SPATA17: variants seen among roughly 807,000 people sequenced by gnomAD.
SPATA17 encodes spermatogenesis-associated protein 17.
In SPATA17, 53 loss-of-function variants were observed where a neutral mutation model predicts 62.2. That is an observed-to-expected ratio of 0.85 (90% CI 0.68 to 1.07). SPATA17 has a LOEUF of 1.07. SPATA17 is among the 50% of genes least tolerant of loss of function. The probability of loss-of-function intolerance (pLI) is 0.00; values close to 1 mark genes in which losing one functional copy is unlikely to be tolerated. For missense variants in SPATA17, 466 were observed against 425.5 expected (o/e 1.10, Z -0.84); for synonymous variants, 146 against 146.8 (o/e 0.99, Z 0.04).
intron 9 of SPATA17, among the ~76,000 whole-genome samples, chr1:217,811,704 A>AC (rs899613832): frequency 6.6e-6 from 1 of 151,778 alleles, no homozygotes; most frequent in Non-Finnish European, 1.5e-5. Flanking sequence ...AGAAAAAAAA[A>AC]AAAAAACTAT....
chr1:217,664,307 T>G, intron 3 of SPATA17, among the ~76,000 whole-genome samples: 1 of 145,136 alleles, frequency 6.9e-6, no homozygotes, highest in Admixed American at 6.9e-5. Flanking sequence ...TTTTTTTTTT[T>G]TTTGAGATGG....
intron 5 of SPATA17, among the ~76,000 whole-genome samples, chr1:217,697,929 T>TA (rs1671497287): frequency 6.6e-6 from 1 of 152,216 alleles, no homozygotes; most frequent in Non-Finnish European, 1.5e-5. Flanking sequence ...TCAAGATTAA[T>TA]ACCTTGCTAA....
chr1:217,762,658 G>T (rs963280368), intron 6 of SPATA17, among the ~76,000 whole-genome samples: 16 of 152,132 alleles, frequency 1.1e-4, no homozygotes, highest in South Asian at 2.1e-4. Flanking sequence ...AGCCCTGGCT[G>T]CACATCAGCT....
chr1:217,733,823 C>T (rs1188083561), intron 5 of SPATA17, among the ~76,000 whole-genome samples: 1 of 152,100 alleles, frequency 6.6e-6, no homozygotes, highest in African/African-American at 2.4e-5. Context: ...GTTAAAGTTT[C>T]AACTCTATAT....
At chr1:217,643,724 A>C (rs1372642904) in intron 1 of SPATA17, among the ~76,000 whole-genome samples, 2 of 137,776 alleles carry the variant, frequency 1.5e-5, no homozygotes, top group African/African-American at 5.2e-5. Flanking sequence ...CTATATATAT[A>C]TATATATATA....
At chr1:217,829,505 G>T (rs1479343059) in intron 9 of SPATA17, among the ~76,000 whole-genome samples, 1 of 151,644 alleles carries the variant, frequency 6.6e-6, no homozygotes, top group African/African-American at 2.4e-5. Flanking sequence ...GCCCACACCT[G>T]TAATCCCAGC....
intron 7 of SPATA17, 39 bp downstream of exon 7, chr1:217,774,576 A>C: frequency 6.4e-7 from 1 of 1,573,074 alleles, no homozygotes; most frequent in East Asian, 2.3e-5. Flanking sequence ...CATTAATTTT[A>C]TTCTTGCTAT....
At chr1:217,632,906 T>C (rs1046996274) in intron 1 of SPATA17, among the ~76,000 whole-genome samples, 1 of 152,174 alleles carries the variant, frequency 6.6e-6, no homozygotes, top group Non-Finnish European at 1.5e-5. Context: ...TAAAAAATAA[T>C]TACAATACTA....
chr1:217,850,552 C>A, intron 9 of SPATA17: 1 of 1,593,294 alleles, frequency 6.3e-7, no homozygotes. Flanking sequence ...TGGATATTGG[C>A]CTTCACATTT....
At chr1:217,783,688 TCAAA>T (rs1202002813) in intron 8 of SPATA17, among the ~76,000 whole-genome samples, 10 of 152,136 alleles carry the variant, frequency 6.6e-5, no homozygotes, top group South Asian at 2.1e-4. Flanking sequence ...GACTAATTGC[TCAAA>T]CAAATAATTG....
intron 1 of SPATA17, among the ~76,000 whole-genome samples, chr1:217,647,725 A>ATT (rs200647656): frequency 2.0e-5 from 3 of 148,524 alleles, no homozygotes; most frequent in African/African-American, 7.4e-5. Context: ...TCTTTTTAAA[A>ATT]TTTTTTTTTT....
intron 8 of SPATA17, 35 bp downstream of exon 8, chr1:217,782,357 T>A: frequency 6.5e-7 from 1 of 1,546,806 alleles, no homozygotes; most frequent in Non-Finnish European, 8.7e-7. Flanking sequence ...AGCTGTGACA[T>A]ATTTGGTGCC....
chr1:217,850,752 A>G lies in SPATA17; in HGVS notation c.1006-12022A>G, dbSNP rs1423176330. ...CCCCTCCAGAATATTTTATTCATAC[A>G]TATAGTTTTTATTTTTATGTATATT... is the stretch of plus-strand genomic sequence containing the variant. On this transcript the variant is annotated intron_variant, in intron 9 of 10. Transcript: ENST00000366933. The G allele has an allele frequency of 1.3e-5, 9 of 676,588 alleles. No individual in the cohort carries two copies. The South Asian group carries it at 1.7e-4, about 13-fold the overall frequency. 41.9% of individuals were successfully genotyped at this position (676,588 alleles called of 1,614,324 possible).
At chr1:217,756,503 A>G (rs1673047447) in intron 6 of SPATA17, among the ~76,000 whole-genome samples, 1 of 152,216 alleles carries the variant, frequency 6.6e-6, no homozygotes, top group Admixed American at 6.5e-5. Context: ...GATGGTTTCA[A>G]GGGAGCTGAG....
At chr1:217,838,371 A>T (rs544684674) in intron 9 of SPATA17, among the ~76,000 whole-genome samples, 5 of 152,066 alleles carry the variant, frequency 3.3e-5, no homozygotes. Context: ...GTTGTAGAGA[A>T]CTTGAAAATA....
chr1:217,731,976 C>T lies in SPATA17; in HGVS notation c.396-9999C>T, dbSNP rs190543828. Among the ~76,000 whole-genome samples the T allele has an allele frequency of 2.8e-4, 43 of 151,876 alleles. 1 individual carries two copies. In the East Asian group the frequency reaches 7.0e-3, roughly 25 times the overall value. On this transcript the variant is annotated intron_variant, in intron 5 of 10. Transcript: ENST00000366933. ...TATTTTTAAATCACTTTTTAATTAC[C>T]CCTTTGTAATGCTTGACAGCTTTTT...
intron 9 of SPATA17, among the ~76,000 whole-genome samples, chr1:217,810,738 G>A (rs1224004168): frequency 1.3e-5 from 2 of 152,158 alleles, no homozygotes; most frequent in Admixed American, 6.6e-5. Flanking sequence ...TTACAATCAT[G>A]GCAGATGGTA....
chr1:217,659,924 C>A (rs1421902795), intron 3 of SPATA17, among the ~76,000 whole-genome samples: 1 of 152,192 alleles, frequency 6.6e-6, no homozygotes, highest in African/African-American at 2.4e-5. Flanking sequence ...CCATAGCATA[C>A]AATGTAAAGT....
chr1:217,810,659 C>A (rs545257331), intron 9 of SPATA17, among the ~76,000 whole-genome samples: 1 of 151,750 alleles, frequency 6.6e-6, no homozygotes, highest in Non-Finnish European at 1.5e-5. Flanking sequence ...ATCTGAGACT[C>A]GGTTATTTTT....
Sources: gnomAD v4.1 joint callset for allele counts (sites outside exome capture counted in the v4.1 genomes callset) on GRCh38, gnomAD v4.1.1 for gene constraint, MANE v1.5 for transcripts, NCBI Gene and HGNC (gene_info 2026-07-23, HGNC 2026-07-21) for gene names.